The following RHNO1 variants were observed in gnomAD, a reference collection of about 807,000 sequenced individuals.
The protein encoded by RHNO1 is RAD9-HUS1-RAD1 interacting nuclear orphan 1.
Under a neutral mutation model 7.2 loss-of-function variants are expected in RHNO1, and 9 were observed. The ratio of observed to expected loss-of-function variants is 1.25; its 90% CI spans 0.75 to 2.18. The LOEUF (loss-of-function observed/expected upper bound fraction) is 2.18, where lower values mean the gene tolerates loss of function less well. Ranked by LOEUF, RHNO1 falls within the 30% of genes most tolerant of loss-of-function variation. The pLI is 0.00. For synonymous variants in RHNO1, 95 were observed against 107.5 expected, an observed-to-expected ratio of 0.88 and a Z score of 0.72; for missense variants, 292 against 284.5, an observed-to-expected ratio of 1.03 and a Z score of -0.19.
intron 2 of RHNO1, 79 bp from the exon 3 acceptor site, chr12:2,887,832 G>C (rs1603503357): frequency 8.5e-7 from 1 of 1,175,544 alleles, no homozygotes; most frequent in Non-Finnish European, 1.2e-6. Flanking sequence ...CCCGATTTAA[G>C]AGTCTGGTCA....
At chr12:2,882,807 T>A (rs1247639235) in intron 1 of RHNO1, among the ~76,000 whole-genome samples, 1 of 152,058 alleles carries the variant, frequency 6.6e-6, no homozygotes, top group Non-Finnish European at 1.5e-5. Flanking sequence ...CTGCTAGTAA[T>A]CCCAGTATTT....
In RHNO1 at chr12:2,888,721, G is replaced by A. The variant is rs545276039; in HGVS notation, c.*262G>A. 37 of 305,876 alleles carry A rather than the reference G, an allele frequency of 1.2e-4. No homozygotes were observed. Among genetic ancestry groups the A allele is most frequent in the Non-Finnish European group, 2.1e-4 (35 of 165,912 alleles). 18.9% of individuals were successfully genotyped at this position (305,876 alleles called of 1,614,324 possible). On this transcript the variant is annotated 3_prime_UTR_variant, in exon 3 of 3. Transcript: ENST00000489288. ...TTTTTTGTATTTTTAGTAGAGATGT[G>A]GTTTCTCCATGTTGGCCAGGCTGGT...
At chr12:2,885,017 G>T in intron 1 of RHNO1, 1 of 214,218 alleles carries the variant, frequency 4.7e-6, no homozygotes, top group Non-Finnish European at 9.3e-6. Flanking sequence ...CACTACAAGT[G>T]CTTTGCACTC....
chr12:2,885,592 T>C, intron 2 of RHNO1, 58 bp downstream of exon 2: 1 of 1,155,718 alleles, frequency 8.7e-7, no homozygotes, highest in Non-Finnish European at 1.2e-6. Context: ...TTTTTTTTTT[T>C]GAGACGGAGT....
intron 1 of RHNO1, chr12:2,878,250 A>T (rs1373822868): frequency 6.6e-6 from 1 of 152,256 alleles, no homozygotes; most frequent in East Asian, 1.9e-4. Flanking sequence ...TACAATAACG[A>T]GATCTTGAGA....
At chr12:2,885,092 G>T in intron 1 of RHNO1, 191 bp from the exon 2 acceptor site, 1 of 385,116 alleles carries the variant, frequency 2.6e-6, no homozygotes. Context: ...ATGACACTTA[G>T]CACATACTCA....
intron 1 of RHNO1, among the ~76,000 whole-genome samples, chr12:2,883,811 C>T (rs950266885): frequency 2.6e-5 from 4 of 151,766 alleles, no homozygotes; most frequent in African/African-American, 4.8e-5. Flanking sequence ...CCACCGCGCC[C>T]GGCCAAATAT....
At chr12:2,877,449 G>T (rs2098148378) in intron 1 of RHNO1, among the ~76,000 whole-genome samples, 167 bp downstream of exon 1, 2 of 152,308 alleles carry the variant, frequency 1.3e-5, no homozygotes, top group Non-Finnish European at 2.9e-5. Flanking sequence ...CTGCCGCGCT[G>T]GTCACGCCAG....
chr12:2,886,676 A>T (rs2098165978), intron 2 of RHNO1, among the ~76,000 whole-genome samples: 2 of 140,092 alleles, frequency 1.4e-5, no homozygotes, highest in South Asian at 2.3e-4. Flanking sequence ...AAAAAAAAAA[A>T]ATAGAAACCC....
chr12:2,881,935 C>A (rs1445029256), intron 1 of RHNO1, among the ~76,000 whole-genome samples: 1 of 150,972 alleles, frequency 6.6e-6, no homozygotes, highest in African/African-American at 2.4e-5. Flanking sequence ...AAAAGAGAAA[C>A]TGTGTCCTTT....
At chr12:2,879,586 G>A (rs1412403569) in intron 1 of RHNO1, among the ~76,000 whole-genome samples, 7 of 151,658 alleles carry the variant, frequency 4.6e-5, no homozygotes, top group Non-Finnish European at 8.8e-5. Flanking sequence ...TGCCCACCCC[G>A]GCCTCTGAAA....
At position 2,888,534 on chromosome 12, in the gene RHNO1, G is replaced by C; in HGVS notation, c.*75G>C. The C allele has an allele frequency of 7.4e-7, 1 of 1,353,436 alleles. No homozygotes were observed. The highest frequency in any genetic ancestry group is 9.8e-7 in the Non-Finnish European group (1 of 1,015,872). 83.8% of individuals were successfully genotyped at this position (1,353,436 alleles called of 1,614,324 possible). On this transcript the variant is annotated 3_prime_UTR_variant, in exon 3 of 3. Coordinates refer to ENST00000489288, the MANE Select transcript of RHNO1 (RefSeq NM_001252499.3). Reference sequence around the variant, plus strand: ...AAGGAATTCAATTCCTAGGGTTTTTGTTTTTGTTTTTGAGATGTAATATTG... The same window carrying C: ...AAGGAATTCAATTCCTAGGGTTTTTCTTTTTGTTTTTGAGATGTAATATTG...
At chr12:2,878,217 A>G (rs1279422099) in intron 1 of RHNO1, 1 of 152,260 alleles carries the variant, frequency 6.6e-6, no homozygotes, top group Admixed American at 6.5e-5. Flanking sequence ...GAAACATTAG[A>G]GGTTAATGAT....
At chr12:2,886,655 CAAAAAAA>C (rs11441422) in intron 2 of RHNO1, among the ~76,000 whole-genome samples, 6 of 95,358 alleles carry the variant, frequency 6.3e-5, no homozygotes, top group Admixed American at 2.3e-4. Context: ...GACCCTGTCT[CAAAAAAA>C]AAAAAAAAAA....
Position 2,888,456 on chromosome 12 carries a change from C to A in RHNO1, c.714C>A (p.Ser238Arg). Residue 238 changes from serine (S) to arginine (R), a missense_variant, in exon 3 of 3, where the codon AGC (serine) becomes AGA (arginine). By Grantham distance (110) the Ser-to-Arg change is moderately radical. Transcript: ENST00000489288. ...KLSRSQFLVK[S>R] ...GCAGAAGCCAATTCCTTGTGAAAAG[C>A]TGACTGCCATCAGTAATCTCAATAG... The A allele has an allele frequency of 6.4e-7, 1 of 1,557,314 alleles. No homozygotes were observed. The highest frequency in any genetic ancestry group is 8.7e-7 in the Non-Finnish European group (1 of 1,154,674).
chr12:2,878,665 G>A (rs182533279), intron 1 of RHNO1, among the ~76,000 whole-genome samples: 20 of 152,026 alleles, frequency 1.3e-4, no homozygotes, highest in Non-Finnish European at 2.2e-4. Flanking sequence ...AAGAACTGCT[G>A]GAGCTTGAAA....
intron 1 of RHNO1, among the ~76,000 whole-genome samples, chr12:2,879,985 A>G (rs1319048384): frequency 1.3e-5 from 2 of 152,096 alleles, no homozygotes; most frequent in Non-Finnish European, 2.9e-5. Context: ...AGTAGGAAGT[A>G]AAGTCATTTG....
rs151061951 is a variant in RHNO1, at chr12:2,878,687, GGA to G, written c.-85+1417_-85+1418del. ...GCTGGAGCTTGAAAAAGGGTGGCAG[GGA>G]GAGAGAGAGAGGAAGAGAAAGAAGG... On this transcript the variant is annotated intron_variant, in intron 1 of 2. Transcript: ENST00000489288. Among the ~76,000 whole-genome samples, 383 of 151,596 alleles carry G rather than the reference GGA, an allele frequency of 2.5e-3. 9 individuals are homozygous for G. The highest frequency in any genetic ancestry group is 8.7e-3 in the African/African-American group (358 of 41,208).
At chr12:2,878,722 G>C (rs2098152927) in intron 1 of RHNO1, among the ~76,000 whole-genome samples, 1 of 151,788 alleles carries the variant, frequency 6.6e-6, no homozygotes, top group Non-Finnish European at 1.5e-5. Flanking sequence ...AGGAGACAGA[G>C]AGAGTAAAAA....
Sources: allele counts gnomAD v4.1 joint callset (sites outside exome capture counted in the v4.1 genomes callset), GRCh38; gene constraint gnomAD v4.1.1; transcripts MANE v1.5; gene names NCBI Gene and HGNC (gene_info 2026-07-23, HGNC 2026-07-21).